CUL9: variants seen among roughly 807,000 people sequenced by gnomAD.
CUL9 encodes the protein cullin 9.
CUL9 carries 79 observed loss-of-function variants against 272.6 expected under a neutral mutation model. That is an observed-to-expected ratio of 0.29 (90% CI 0.24 to 0.35). The LOEUF (loss-of-function observed/expected upper bound fraction) is 0.35. Ranked by LOEUF, CUL9 falls within the 10% of genes least tolerant of loss-of-function variation. The probability of loss-of-function intolerance (pLI) is 1.00; values close to 1 mark genes in which losing one functional copy is unlikely to be tolerated. For missense variants in CUL9, 2,532 were observed against 3,255.6 expected, an observed-to-expected ratio of 0.78 and a Z score of 5.41; for synonymous variants, 1,186 against 1,286.5, an observed-to-expected ratio of 0.92 and a Z score of 1.67.
rs538904851 is a variant in CUL9 at position 43,184,742 on chromosome 6, C to T, written c.432C>T (p.His144=). The T allele has an allele frequency of 1.2e-6, 2 of 1,614,216 alleles. No individual in the cohort carries two copies. Among genetic ancestry groups the T allele is most frequent in the African/African-American group, 1.3e-5 (1 of 75,064 alleles). ...CAAGCCTCACGGCCGCTGTGCTTCA[C>T]ACCATCCACGTGCTCAGTGCCTACG... is the stretch of plus-strand genomic sequence containing the variant. ...GTPSLTAAVL[H]TIHVLSAYAS... Residue 144 remains histidine, a synonymous_variant, in exon 2 of 41, where the codon CAC becomes CAT. Coordinates refer to ENST00000252050, the MANE Select transcript of CUL9 (RefSeq NM_015089.4). This position sits in a 1 kb window ranked among gnomAD's most constrained non-coding sequence, Gnocchi z 4.8.
In CUL9 at chr6:43,196,637, C is replaced by T. The variant is rs529334839; in HGVS notation, c.2586-8C>T. ...TCAGTTTCTTCCTGGTCACCTCCCT[C>T]CTCCCAGGTGCTCTTCTGCAGCGAG... On this transcript the variant is annotated splice_region_variant and splice_polypyrimidine_tract_variant and intron_variant, in intron 10 of 40. Coordinates refer to ENST00000252050, the MANE Select transcript of CUL9 (RefSeq NM_015089.4). 4.3e-5 allele frequency: 69 copies of T among 1,611,462 alleles called. No homozygotes were observed. Among genetic ancestry groups the T allele is most frequent in the Non-Finnish European group, 5.9e-5 (69 of 1,177,650 alleles).
chr6:43,197,398 G>A (rs1448698481), intron 11 of CUL9, among the ~76,000 whole-genome samples: 1 of 151,886 alleles, frequency 6.6e-6, no homozygotes, highest in African/African-American at 2.4e-5. Context: ...TATCCATCTG[G>A]GCTAGGTTTG....
At chr6:43,195,104 A>C (rs941322799) in intron 9 of CUL9, among the ~76,000 whole-genome samples, 1 of 152,196 alleles carries the variant, frequency 6.6e-6, no homozygotes, top group Non-Finnish European at 1.5e-5. Flanking sequence ...TAATAACTTA[A>C]AGTCTACAGA....
Position 43,206,193 on chromosome 6 carries a change from G to A in CUL9, c.4980G>A (p.Leu1660=). 1 of 1,612,624 alleles carries A rather than the reference G, an allele frequency of 6.2e-7. No homozygotes were observed. Among genetic ancestry groups the A allele is most frequent in the Non-Finnish European group, 8.5e-7 (1 of 1,179,426 alleles). Residue 1660 remains leucine, a synonymous_variant, in exon 25 of 41, where the codon TTG becomes TTA. Transcript: ENST00000252050. This position sits in a 1 kb window ranked among gnomAD's most constrained non-coding sequence, Gnocchi z 4.8. ...FQLQRLDKLF[L]EQEDEEEKRL... ...TCCAGCGGCTCGACAAGTTGTTCTT[G>A]GAGCAGGAAGATGAGGAGGAAAAGA...
chr6:43,199,363 G>T lies in CUL9; in HGVS notation c.3148G>T (p.Asp1050Tyr). ...CAACTGCCTGAGTGGCCCTAGCAGT[G>T]ACTCCGAGGTACCAGAACCCTGGCA... ...CLNCLSGPSS[D>Y]SEIVQELTCF... The change falls in exon 13 of 41, where the codon GAC becomes TAC. Residue 1050 changes from aspartate to tyrosine, a missense_variant. Physicochemically the swap from Asp to Tyr is radical, Grantham distance 160. Transcript: ENST00000252050. This position sits in a 1 kb window ranked among gnomAD's most constrained non-coding sequence, Gnocchi z 4.4. The T allele has an allele frequency of 1.2e-6, 2 of 1,612,450 alleles. No individual in the cohort carries two copies. Among genetic ancestry groups the T allele is most frequent in the South Asian group, 2.2e-5 (2 of 91,028 alleles).
In CUL9 at chr6:43,224,134, T is replaced by C. The variant is rs1776616372; in HGVS notation, c.7324T>C (p.Trp2442Arg). 1.2e-6 allele frequency: 2 copies of C among 1,614,186 alleles called. No homozygotes were observed. Among genetic ancestry groups the C allele is most frequent in the Non-Finnish European group, 1.7e-6 (2 of 1,180,020 alleles). Reference sequence around the variant, plus strand: ...TCTTCAGAGTCCATCAGTAGAGGCCTGGGAGGCAAAAGGACCCAACATGCC... The same window carrying C: ...TCTTCAGAGTCCATCAGTAGAGGCCCGGGAGGCAAAAGGACCCAACATGCC... ...VGLQSPSVEA[W>R]EAKGPNMPGS... Residue 2442 changes from tryptophan (W) to arginine (R), a missense_variant, in exon 40 of 41, where the codon TGG (tryptophan) becomes CGG (arginine). Trp to Arg is a moderately radical substitution (Grantham distance 101). This residue lies in a region of CUL9 where 237 missense variants were observed against 305.9 expected (regional missense o/e 0.77). Transcript: ENST00000252050. The surrounding 1 kb of genome is among the most constrained non-coding windows in gnomAD (Gnocchi z 4.2).
chr6:43,200,552 T>C lies in CUL9; in HGVS notation c.3475+26T>C, dbSNP rs747106951. On this transcript the variant is annotated intron_variant, in intron 15 of 40. Transcript: ENST00000252050. This position sits in a 1 kb window ranked among gnomAD's most constrained non-coding sequence, Gnocchi z 4.0. ...GTTAGTGCCCTCATCTGCTTTCTCC[T>C]GGCTCCCATCCAGTGTCTGTTCTCC... is the stretch of plus-strand genomic sequence containing the variant. 29 of 1,614,080 alleles carry C rather than the reference T, an allele frequency of 1.8e-5. No homozygotes were observed. Among genetic ancestry groups the C allele is most frequent in the Admixed American group, 5.0e-5 (3 of 60,006 alleles).
At chr6:43,207,947 G>A (rs1392085039) in intron 26 of CUL9, among the ~76,000 whole-genome samples, 3 of 152,198 alleles carry the variant, frequency 2.0e-5, no homozygotes, top group African/African-American at 7.2e-5. Context: ...TGAGAGAGGT[G>A]TGCTAAAATC....
chr6:43,186,838 G>A (rs997187789), intron 4 of CUL9, 122 bp from the exon 5 acceptor site: 55 of 1,234,348 alleles, frequency 4.5e-5, no homozygotes, highest in Non-Finnish European at 6.0e-5. Flanking sequence ...GCTTAGCCAG[G>A]TGTGTATCTG....
In CUL9 at chr6:43,201,636, C is replaced by T. The variant is rs191134965; in HGVS notation, c.3647+802C>T. Among the ~76,000 whole-genome samples, 4 of 152,298 alleles carry T rather than the reference C, an allele frequency of 2.6e-5. 1 individual carries two copies. The East Asian group carries it at 5.8e-4, about 22-fold the overall frequency. ...CTGGGACTACAGGCGCCTGCCACCA[C>T]GCCTGGCTAATTTTTTGTATTTTTA... is the stretch of plus-strand genomic sequence containing the variant. On this transcript the variant is annotated intron_variant, in intron 16 of 40. Transcript: ENST00000252050.
At chr6:43,205,981 C>A in intron 24 of CUL9, 26 bp from the exon 25 acceptor site, 1 of 1,605,824 alleles carries the variant, frequency 6.2e-7, no homozygotes, top group African/African-American at 1.3e-5. Context: ...CACACTGAGG[C>A]TTGGCCCGGG....
intron 8 of CUL9, 64 bp downstream of exon 8, chr6:43,188,779 G>T: frequency 7.3e-7 from 1 of 1,366,552 alleles, no homozygotes; most frequent in South Asian, 1.4e-5. Context: ...GTGGTAGCGG[G>T]GAAGGAGCTT....
chr6:43,205,403 A>G lies in CUL9; in HGVS notation c.4773A>G (p.Thr1591=). 1 of 1,614,104 alleles carries G rather than the reference A, an allele frequency of 6.2e-7. No homozygotes were observed. Among genetic ancestry groups the G allele is most frequent in the Non-Finnish European group, 8.5e-7 (1 of 1,179,986 alleles). The change falls in exon 24 of 41, where the codon ACA becomes ACG. Residue 1591 remains threonine, a synonymous_variant. Coordinates refer to ENST00000252050, the MANE Select transcript of CUL9 (RefSeq NM_015089.4). ...IMVLSGLELA[T]TFEHFYQHYM... ...TCCTTTCTGGTCTGGAACTGGCCAC[A>G]ACTTTTGAGCACTTCTATCAGTGAG...
chr6:43,192,879 G>A (rs1361248929), intron 8 of CUL9, 122 bp from the exon 9 acceptor site: 5 of 798,422 alleles, frequency 6.3e-6, no homozygotes, highest in Non-Finnish European at 1.0e-5. Context: ...GTTTGGGTGG[G>A]GCAGAGAGGA....
In CUL9 at chr6:43,205,015, C is replaced by T; in HGVS notation, c.4532C>T (p.Ala1511Val). The change falls in exon 23 of 41, where the codon GCA (alanine) becomes GTA (valine). Residue 1511 changes from alanine to valine, a missense_variant. Transcript: ENST00000252050. Reference sequence around the variant, plus strand: ...AAACTCTATGAGCACTTGCAGAGAGCAGGCTCCGAGCTGTTTGGGCCTCGG... The same window carrying T: ...AAACTCTATGAGCACTTGCAGAGAGTAGGCTCCGAGCTGTTTGGGCCTCGG... Reference protein sequence around the residue: ...YCKLYEHLQRAGSELFGPRAA... With the variant: ...YCKLYEHLQRVGSELFGPRAA... 6.8e-6 allele frequency: 11 copies of T among 1,613,434 alleles called. No individual in the cohort carries two copies. Among genetic ancestry groups the T allele is most frequent in the Non-Finnish European group, 9.3e-6 (11 of 1,179,710 alleles).
intron 16 of CUL9, among the ~76,000 whole-genome samples, chr6:43,201,337 A>G (rs896040534): frequency 6.6e-6 from 1 of 152,172 alleles, no homozygotes; most frequent in East Asian, 1.9e-4. Flanking sequence ...GGGTTTTGAC[A>G]TTGAAATTAG....
At position 43,223,596 on chromosome 6, in the gene CUL9, G is replaced by A. The variant is rs1416356264; in HGVS notation, c.7284+199G>A. On this transcript the variant is annotated intron_variant, in intron 39 of 40. Coordinates refer to ENST00000252050, the MANE Select transcript of CUL9 (RefSeq NM_015089.4). The surrounding 1 kb of genome is among the most constrained non-coding windows in gnomAD (Gnocchi z 4.1). ...CTGGACCCTATCACTTCACCTCCTG[G>A]GGATTCCTACAAAATAAAGGGGTTG... The A allele has an allele frequency of 3.2e-5, 21 of 655,762 alleles. No homozygotes were observed. The highest frequency in any genetic ancestry group is 5.3e-5 in the Non-Finnish European group (21 of 393,676). 40.6% of individuals were successfully genotyped at this position (655,762 alleles called of 1,614,324 possible).
In CUL9 at chr6:43,203,022, C is replaced by T. The variant is rs1381695789; in HGVS notation, c.3754-87C>T. The T allele has an allele frequency of 2.1e-6, 3 of 1,454,166 alleles. No homozygotes were observed. The African/African-American group carries it at 4.2e-5, about 20-fold the overall frequency. The allele number at this position is 1,454,166 out of a possible 1,614,324, so 90.1% of individuals were successfully genotyped here. On this transcript the variant is annotated intron_variant, in intron 17 of 40. Transcript: ENST00000252050. The surrounding 1 kb of genome is among the most constrained non-coding windows in gnomAD (Gnocchi z 5.0). ...TGCGGGAGAAGTGAAGGGCACACAC[C>T]ATGACCGACTTGGTTACTGTCAACA...
Position 43,221,190 on chromosome 6 carries a change from T to A in CUL9, c.6621T>A (p.Ser2207=), listed in dbSNP as rs1398552380. ...ACCCTGCTAGCTGTGGCCATATGTC[T>A]CAGTGGGTCGACGACGGTGGCTACT... The part of the protein sequence containing the change: ...AHYPASCGHM[S]QWVDDGGYYD... Residue 2207 remains serine (S), a synonymous_variant, in exon 34 of 41, where the codon TCT becomes TCA. Transcript: ENST00000252050. The surrounding 1 kb of genome is among the most constrained non-coding windows in gnomAD (Gnocchi z 4.2). 1 of 1,611,422 alleles carries A rather than the reference T, an allele frequency of 6.2e-7. No homozygotes were observed. The highest frequency in any genetic ancestry group is 1.7e-5 in the Admixed American group (1 of 59,996).
Sources: allele counts gnomAD v4.1 joint callset (sites outside exome capture counted in the v4.1 genomes callset), GRCh38; gene constraint gnomAD v4.1.1; regional missense constraint gnomAD v4.1.1; non-coding constraint Gnocchi (gnomAD v3.1); transcripts MANE v1.5; gene names NCBI Gene and HGNC (gene_info 2026-07-23, HGNC 2026-07-21).